The following RIMBP2 variants were observed in gnomAD, a reference collection of about 807,000 sequenced individuals.
The protein encoded by RIMBP2 is RIMS-binding protein 2.
A neutral mutation model predicts 118.6 loss-of-function variants in RIMBP2; 48 were observed. That is an observed-to-expected ratio of 0.40 (90% CI 0.32 to 0.51). The LOEUF is 0.51. RIMBP2 is among the 20% of genes least tolerant of loss of function. The pLI, the probability that RIMBP2 is intolerant of heterozygous loss-of-function variation, is 0.41. For missense variants in RIMBP2, 1,551 were observed against 1,768.3 expected (o/e 0.88, Z 2.20); for synonymous variants, 762 against 742.9 (o/e 1.03, Z -0.42).
chr12:130,708,614 A>G (rs115310723), intron 1 of RIMBP2, among the ~76,000 whole-genome samples: 3,702 of 152,224 alleles, frequency 0.024, 152 homozygotes, highest in African/African-American at 0.084. Context: ...CTCAGCCTGT[A>G]GGTCGAGGCT....
chr12:130,453,779 G>A (rs2079192550), intron 7 of RIMBP2, among the ~76,000 whole-genome samples: 2 of 152,232 alleles, frequency 1.3e-5, no homozygotes, highest in Admixed American at 6.5e-5. Context: ...TGTAGGCCAA[G>A]GCGGTGGCTC....
At chr12:130,638,056 A>T (rs1437225969) in intron 1 of RIMBP2, among the ~76,000 whole-genome samples, 3 of 152,186 alleles carry the variant, frequency 2.0e-5, no homozygotes, top group African/African-American at 7.2e-5. Flanking sequence ...TCTAGTTGCT[A>T]GAATGAGATA....
intron 4 of RIMBP2, among the ~76,000 whole-genome samples, chr12:130,503,838 G>A (rs1193700175): frequency 6.6e-6 from 1 of 152,138 alleles, no homozygotes; most frequent in East Asian, 1.9e-4. Flanking sequence ...GTATATCTTA[G>A]TTCTTTCTTC....
In RIMBP2 at chr12:130,710,288, C is replaced by T. The variant is rs565836768; in HGVS notation, c.-352+5934G>A. Among the ~76,000 whole-genome samples the T allele has an allele frequency of 1.3e-5, 2 of 152,162 alleles. No individual in the cohort carries two copies. The highest frequency in any genetic ancestry group is 1.5e-5 in the Non-Finnish European group (1 of 68,030). ...CCTGTCTCAGCTTCAACGCCACCTC[C>T]TCCCTGAGACCCTCCCAGATCATCC... On this transcript the variant is annotated intron_variant, in intron 1 of 22. Coordinates refer to ENST00000690449, the MANE Select transcript of RIMBP2 (RefSeq NM_001393629.1). This position sits in a 1 kb window ranked among gnomAD's most constrained non-coding sequence, Gnocchi z 4.3.
intron 10 of RIMBP2, among the ~76,000 whole-genome samples, chr12:130,443,246 C>CA (rs59960598): frequency 0.032 from 3,715 of 115,114 alleles, 146 homozygotes; most frequent in African/African-American, 0.093. Context: ...AGTTGTGTGG[C>CA]AAAAAAAAAA....
intron 1 of RIMBP2, among the ~76,000 whole-genome samples, chr12:130,652,799 G>A (rs889832344): frequency 3.3e-5 from 5 of 152,174 alleles, no homozygotes; most frequent in African/African-American, 1.2e-4. Flanking sequence ...CAATTATGGT[G>A]GAATACAAAG....
At chr12:130,550,747 G>A (rs1320818431) in intron 2 of RIMBP2, among the ~76,000 whole-genome samples, 1 of 152,252 alleles carries the variant, frequency 6.6e-6, no homozygotes, top group Non-Finnish European at 1.5e-5. Context: ...TACACTTGAG[G>A]TGATGTATTA....
chr12:130,695,843 G>A (rs949336628), intron 1 of RIMBP2, among the ~76,000 whole-genome samples: 2 of 151,968 alleles, frequency 1.3e-5, no homozygotes, highest in Non-Finnish European at 2.9e-5. Context: ...GTTTAGAGAC[G>A]TCCAGATGTG....
At chr12:130,538,981 C>T (rs963654018) in intron 2 of RIMBP2, among the ~76,000 whole-genome samples, 3 of 152,140 alleles carry the variant, frequency 2.0e-5, no homozygotes, top group Non-Finnish European at 2.9e-5. Context: ...CAGGGCATGT[C>T]CACGGCTCTG....
chr12:130,534,283 G>A (rs920424107), intron 2 of RIMBP2, among the ~76,000 whole-genome samples: 2 of 150,166 alleles, frequency 1.3e-5, no homozygotes, highest in African/African-American at 4.9e-5. Flanking sequence ...AGGGGTGGAT[G>A]ATGAAAAATT....
chr12:130,413,502 G>A (rs183877100), intron 18 of RIMBP2, among the ~76,000 whole-genome samples: 261 of 151,954 alleles, frequency 1.7e-3, no homozygotes, highest in Non-Finnish European at 3.2e-3. Context: ...GTGTGATGGC[G>A]CGCATCTGTG....
chr12:130,615,276 C>CATACATATATATATATAT (rs1455080257), intron 2 of RIMBP2, among the ~76,000 whole-genome samples: 42 of 100,260 alleles, frequency 4.2e-4, no homozygotes, highest in African/African-American at 8.7e-4. Flanking sequence ...AATACACATA[C>CATACATATATATATATAT]ATATATATAT....
At chr12:130,517,791 G>GCCC in intron 3 of RIMBP2, 37 bp downstream of exon 3, 1 of 911,854 alleles carries the variant, frequency 1.1e-6, no homozygotes, top group Non-Finnish European at 1.3e-6. Context: ...GCTCCCTCCA[G>GCCC]GGCCCCAGAT....
At chr12:130,467,363 G>C (rs563709839) in intron 6 of RIMBP2, among the ~76,000 whole-genome samples, 53 of 152,186 alleles carry the variant, frequency 3.5e-4, no homozygotes, top group Non-Finnish European at 5.9e-4. Flanking sequence ...ATATTTTGTA[G>C]ACCCTGCCCT....
intron 1 of RIMBP2, among the ~76,000 whole-genome samples, chr12:130,715,833 C>A (rs1297446388): frequency 6.6e-6 from 1 of 151,966 alleles, no homozygotes; most frequent in Non-Finnish European, 1.5e-5. Flanking sequence ...GGGCGCACTC[C>A]CCAGGCGAGC....
intron 1 of RIMBP2, among the ~76,000 whole-genome samples, chr12:130,664,417 A>ACG (rs1566439003): frequency 3.4e-4 from 27 of 80,094 alleles, no homozygotes; most frequent in Middle Eastern, 6.0e-3. Flanking sequence ...GCACGCACAC[A>ACG]CACGCACACA....
At position 130,456,560 on chromosome 12, in the gene RIMBP2, G is replaced by C; in HGVS notation, c.294C>G (p.Ile98Met). The change falls in exon 7 of 23, where the codon ATC becomes ATG. Residue 98 changes from isoleucine (I) to methionine (M), a missense_variant. By Grantham distance (10) the Ile-to-Met change is conservative. Coordinates refer to ENST00000690449, the MANE Select transcript of RIMBP2 (RefSeq NM_001393629.1). ...GGAAAGGCTTGCTGGGGGCCGTGGA[G>C]ATGTCCAGGGGGGCCACCGCGCTGC... ...LGGSAVAPLD[I>M]STAPSKPFPQ... The C allele has an allele frequency of 6.2e-7, 1 of 1,612,584 alleles. No homozygotes were observed. Among genetic ancestry groups the C allele is most frequent in the Non-Finnish European group, 8.5e-7 (1 of 1,178,932 alleles).
At chr12:130,526,235 A>G (rs2052774675) in intron 2 of RIMBP2, among the ~76,000 whole-genome samples, 2 of 152,114 alleles carry the variant, frequency 1.3e-5, no homozygotes, top group Admixed American at 6.6e-5. Flanking sequence ...ACAATTTTGT[A>G]CCCTATTCAG....
intron 1 of RIMBP2, among the ~76,000 whole-genome samples, chr12:130,705,104 T>C (rs1419917142): frequency 7.2e-5 from 11 of 152,180 alleles, no homozygotes; most frequent in East Asian, 1.9e-4. Context: ...CGGCTGCCTC[T>C]GGGGGCTCCT....
Sources: gnomAD v4.1 joint callset for allele counts (sites outside exome capture counted in the v4.1 genomes callset) on GRCh38, gnomAD v4.1.1 for gene constraint, Gnocchi (gnomAD v3.1) non-coding constraint, MANE v1.5 for transcripts, NCBI Gene and HGNC (gene_info 2026-07-23, HGNC 2026-07-21) for gene names.